The following FOXN3 variants were observed in gnomAD, a reference collection of about 807,000 sequenced individuals.
FOXN3 encodes the protein forkhead box protein N3.
Under a neutral mutation model 38.4 loss-of-function variants are expected in FOXN3, and 7 were observed. The ratio of observed to expected loss-of-function variants is 0.18; its 90% CI spans 0.10 to 0.34. FOXN3 has a LOEUF of 0.34. Ranked by LOEUF, FOXN3 falls within the 10% of genes least tolerant of loss-of-function variation. The pLI is 1.00. For missense variants in FOXN3, 456 were observed against 613.4 expected (o/e 0.74, Z 2.71); for synonymous variants, 230 against 242.2 (o/e 0.95, Z 0.47).
chr14:89,443,735 C>T (rs980970763), intron 1 of FOXN3, among the ~76,000 whole-genome samples: 7 of 152,084 alleles, frequency 4.6e-5, no homozygotes, highest in Admixed American at 1.3e-4. Context: ...TGGGGCCGGG[C>T]GCAGTGGCTC....
chr14:89,465,129 A>T (rs1332286802), intron 1 of FOXN3, among the ~76,000 whole-genome samples: 1 of 152,186 alleles, frequency 6.6e-6, no homozygotes, highest in African/African-American at 2.4e-5. Context: ...TTCTGCCATG[A>T]TTGTAAGTTT....
chr14:89,410,460 T>C (rs1028223968), intron 2 of FOXN3, among the ~76,000 whole-genome samples: 1 of 152,192 alleles, frequency 6.6e-6, no homozygotes, highest in South Asian at 2.1e-4. Context: ...GAAGGAACTT[T>C]CTCTGGCAAT....
intron 1 of FOXN3, among the ~76,000 whole-genome samples, chr14:89,516,646 C>G (rs1170175723): frequency 6.6e-6 from 1 of 150,956 alleles, no homozygotes; most frequent in Non-Finnish European, 1.5e-5. Context: ...ACTGCAGCCT[C>G]AAGTTCCTGG....
In FOXN3 at chr14:89,611,122, A is replaced by G. The variant is rs191958792; in HGVS notation, c.-15+7906T>C. On this transcript the variant is annotated intron_variant, in intron 1 of 6. Transcript: ENST00000345097. ...GTTTCCCCTACACTCTTGCAAGAGC[A>G]GAGCTCTTGCTTAGATGAAAAAATC... Among the ~76,000 whole-genome samples the G allele has an allele frequency of 3.9e-5, 6 of 152,328 alleles. No individual in the cohort carries two copies. The East Asian group carries it at 1.2e-3, about 29-fold the overall frequency.
chr14:89,420,942 G>A (rs1891888368), upstream of FOXN3, among the ~76,000 whole-genome samples: 1 of 150,620 alleles, frequency 6.6e-6, no homozygotes, highest in Non-Finnish European at 1.5e-5. Flanking sequence ...TTCGGGAGAG[G>A]AAGAGAGAAA....
chr14:89,391,099 T>C (rs1890932786), intron 2 of FOXN3, among the ~76,000 whole-genome samples: 2 of 152,282 alleles, frequency 1.3e-5, no homozygotes, highest in South Asian at 2.1e-4. Flanking sequence ...CGAGGCCAAT[T>C]ACAGAGGGTG....
intron 4 of FOXN3, among the ~76,000 whole-genome samples, chr14:89,232,756 T>C (rs4904519): frequency 0.74 from 112,272 of 152,094 alleles, 41,480 homozygotes; most frequent in Admixed American, 0.75. Flanking sequence ...AGACATAATT[T>C]GAGGAAAGCT....
At chr14:89,499,598 T>G (rs1893754975) in intron 1 of FOXN3, among the ~76,000 whole-genome samples, 1 of 152,156 alleles carries the variant, frequency 6.6e-6, no homozygotes, top group South Asian at 2.1e-4. Context: ...ATTTTTGAGA[T>G]ATTGACAGGG....
intron 1 of FOXN3, among the ~76,000 whole-genome samples, chr14:89,546,238 T>C (rs1387757505): frequency 2.0e-5 from 3 of 151,976 alleles, no homozygotes; most frequent in Non-Finnish European, 4.4e-5. Flanking sequence ...TAAATGGTTG[T>C]TTTACAGAGA....
At chr14:89,518,929 C>T (rs550785476) in intron 1 of FOXN3, among the ~76,000 whole-genome samples, 12 of 152,254 alleles carry the variant, frequency 7.9e-5, no homozygotes, top group African/African-American at 1.7e-4. Context: ...GCAGGAGAAT[C>T]GCTTGAGCCC....
intron 1 of FOXN3, among the ~76,000 whole-genome samples, chr14:89,414,313 A>T (rs954260926): frequency 6.6e-6 from 1 of 151,310 alleles, no homozygotes; most frequent in Non-Finnish European, 1.5e-5. Context: ...ATAAATAAAT[A>T]AAATTAAAAA....
chr14:89,490,035 C>G, intron 1 of FOXN3, among the ~76,000 whole-genome samples: 1 of 152,206 alleles, frequency 6.6e-6, no homozygotes, highest in Non-Finnish European at 1.5e-5. Context: ...GCCACATTCC[C>G]CTCCCTGTCT....
At chr14:89,333,511 C>T (rs547392880) in intron 3 of FOXN3, among the ~76,000 whole-genome samples, 14 of 151,844 alleles carry the variant, frequency 9.2e-5, no homozygotes, top group African/African-American at 3.4e-4. Flanking sequence ...TGTGGTGGCT[C>T]ATGCCTGTAA....
At chr14:89,325,619 C>G (rs1888059310) in intron 3 of FOXN3, among the ~76,000 whole-genome samples, 1 of 152,208 alleles carries the variant, frequency 6.6e-6, no homozygotes, top group South Asian at 2.1e-4. Flanking sequence ...TATCTCTGTA[C>G]AGAGGACATG....
intron 3 of FOXN3, among the ~76,000 whole-genome samples, chr14:89,325,339 A>ACCG (rs1888040899): frequency 7.7e-6 from 1 of 130,454 alleles, no homozygotes; most frequent in Non-Finnish European, 1.7e-5. Context: ...CACCACCACC[A>ACCG]CCACCACCAC....
intron 1 of FOXN3, among the ~76,000 whole-genome samples, chr14:89,477,533 C>T (rs1352766251): frequency 6.6e-6 from 1 of 152,194 alleles, no homozygotes; most frequent in Non-Finnish European, 1.5e-5. Context: ...GCCTTGGGGC[C>T]TCACCCACAA....
chr14:89,310,775 G>A (rs1887515791), intron 3 of FOXN3, among the ~76,000 whole-genome samples: 1 of 152,004 alleles, frequency 6.6e-6, no homozygotes, highest in Admixed American at 6.6e-5. Flanking sequence ...TCTACACTCG[G>A]CAACCCTTTA....
In FOXN3 at chr14:89,511,728, T is replaced by C. The variant is rs143661690; in HGVS notation, c.-14-99238A>G. Among the ~76,000 whole-genome samples, 221 of 152,248 alleles carry C rather than the reference T, an allele frequency of 1.5e-3. 2 individuals carry two copies. The highest frequency in any genetic ancestry group is 4.8e-3 in the African/African-American group (201 of 41,538). On this transcript the variant is annotated intron_variant, in intron 1 of 6. Coordinates refer to the FOXN3 transcript ENST00000345097. ...ACTGCTAAAAGGACATACCCGAGAC[T>C]GGGTAATTTATAAAGAAAAGAAGTT...
At chr14:89,481,336 G>A (rs902550621) in intron 1 of FOXN3, among the ~76,000 whole-genome samples, 2 of 152,132 alleles carry the variant, frequency 1.3e-5, no homozygotes, top group African/African-American at 2.4e-5. Flanking sequence ...GGGACCGGAC[G>A]GGAAGTCAGG....
Sources: allele counts gnomAD v4.1 joint callset (sites outside exome capture counted in the v4.1 genomes callset), GRCh38; gene constraint gnomAD v4.1.1; transcripts MANE v1.5; gene names NCBI Gene and HGNC (gene_info 2026-07-23, HGNC 2026-07-21).